The following COL3A1 variants were observed in gnomAD, a reference collection of about 807,000 sequenced individuals.
COL3A1 encodes collagen alpha-1(III) chain.
In COL3A1, 46 loss-of-function variants were observed where a neutral mutation model predicts 200.9. That is an observed-to-expected ratio of 0.23 (90% confidence interval 0.18 to 0.29). The LOEUF (loss-of-function observed/expected upper bound fraction) is 0.29, where lower values mean the gene tolerates loss of function less well. Ranked by LOEUF, COL3A1 falls within the 10% of genes least tolerant of loss-of-function variation. The probability of loss-of-function intolerance (pLI) is 1.00; values close to 1 mark genes in which losing one functional copy is unlikely to be tolerated. For synonymous variants in COL3A1, 650 were observed against 628.0 expected, an observed-to-expected ratio of 1.03 and a Z score of -0.52; for missense variants, 1,367 against 1,917.6, an observed-to-expected ratio of 0.71 and a Z score of 5.36.
intron 1 of COL3A1, among the ~76,000 whole-genome samples, chr2:188,984,539 T>C (rs995120246): frequency 1.3e-5 from 2 of 152,064 alleles, no homozygotes; most frequent in Non-Finnish European, 2.9e-5. Flanking sequence ...AAATTGACTA[T>C]GGTGTGCCAA....
In COL3A1 at chr2:189,008,032, T is replaced by C; in HGVS notation, c.3418-3T>C. ...GCATTGTGATGTCATGATACTTTCT[T>C]AGGGACCTGTTGGACCCAGTGGACC... On this transcript the variant is annotated splice_region_variant and splice_polypyrimidine_tract_variant and intron_variant, in intron 46 of 50. Coordinates refer to ENST00000304636, the MANE Select transcript of COL3A1 (RefSeq NM_000090.4). 1.2e-6 allele frequency: 2 copies of C among 1,614,110 alleles called. No individual in the cohort carries two copies. Among genetic ancestry groups the C allele is most frequent in the Non-Finnish European group, 1.7e-6 (2 of 1,179,998 alleles).
rs773841946 is a variant in COL3A1, at chr2:188,996,122, C to T, written c.1609-3C>T. 1.9e-6 allele frequency: 3 copies of T among 1,613,456 alleles called. No individual in the cohort carries two copies. The Admixed American group carries it at 5.0e-5, about 27-fold the overall frequency. On this transcript the variant is annotated splice_region_variant and splice_polypyrimidine_tract_variant and intron_variant, in intron 22 of 50. Transcript: ENST00000304636. Reference sequence around the variant, plus strand: ...CACCTAACAACTGACTTCTTTACTTCAGGGCATGCCCGGAAGTCCAGGAGG... The same window carrying T: ...CACCTAACAACTGACTTCTTTACTTTAGGGCATGCCCGGAAGTCCAGGAGG...
Position 188,998,317 on chromosome 2 carries a change from C to A in COL3A1, c.1975C>A (p.Pro659Thr), listed in dbSNP as rs1064796979. 3.1e-6 allele frequency: 5 copies of A among 1,613,262 alleles called. No homozygotes were observed. Among genetic ancestry groups the A allele is most frequent in the Non-Finnish European group, 4.2e-6 (5 of 1,179,442 alleles). Reference protein sequence around the residue: ...PPGENGKPGEPGPKGDAGAPG... With the variant: ...PPGENGKPGETGPKGDAGAPG... Reference sequence around the variant, plus strand: ...AGGAGAAAATGGAAAACCTGGGGAACCAGTAAGTTACGTTTCATTATTCAA... The same window carrying A: ...AGGAGAAAATGGAAAACCTGGGGAAACAGTAAGTTACGTTTCATTATTCAA... The change falls in exon 28 of 51, where the codon CCA (proline) becomes ACA (threonine). Residue 659 changes from proline (P) to threonine (T), a missense_variant and splice_region_variant. By Grantham distance (38) the Pro-to-Thr change is conservative. This residue lies in a region of COL3A1 where 846 missense variants were observed against 1,147.9 expected (regional missense o/e 0.74). Coordinates refer to ENST00000304636, the MANE Select transcript of COL3A1 (RefSeq NM_000090.4).
At chr2:188,995,207 AGAGTT>A in intron 21 of COL3A1, 108 bp downstream of exon 21, 1 of 1,111,224 alleles carries the variant, frequency 9.0e-7, no homozygotes, top group Non-Finnish European at 1.3e-6. Context: ...AATATATATT[AGAGTT>A]AAGAAAAATT....
At position 188,996,354 on chromosome 2, in the gene COL3A1, C is replaced by T. The variant is rs1312883353; in HGVS notation, c.1663-44C>T. On this transcript the variant is annotated intron_variant, in intron 23 of 50. Transcript: ENST00000304636. ...TACTATATATATAGCATGCTTTAAT[C>T]TTCTCTTTATCAAACCTTTATTAAT... 2.0e-6 allele frequency: 3 copies of T among 1,476,502 alleles called. No individual in the cohort carries two copies. In the South Asian group the frequency reaches 3.4e-5, roughly 17 times the overall value. The allele number at this position is 1,476,502 out of a possible 1,614,324, so 91.5% of individuals were successfully genotyped here.
Position 188,988,277 on chromosome 2 carries a change from A to G in COL3A1, c.582+143A>G, listed in dbSNP as rs574231634. ...TAACCAAGAAACTGATTAAGGCTTC[A>G]AAGATGGAATTCCATATTTAATTCC... On this transcript the variant is annotated intron_variant, in intron 6 of 50. Transcript: ENST00000304636. 32 of 780,676 alleles carry G rather than the reference A, an allele frequency of 4.1e-5. No individual in the cohort carries two copies. In the East Asian group the frequency reaches 8.2e-4, roughly 20 times the overall value. 48.4% of individuals were successfully genotyped at this position (780,676 alleles called of 1,614,324 possible).
rs1000595244 is a variant in COL3A1 at position 189,010,165 on chromosome 2, T to G, written c.3824-13T>G. 1.2e-6 allele frequency: 2 copies of G among 1,613,726 alleles called. No individual in the cohort carries two copies. The highest frequency in any genetic ancestry group is 1.7e-6 in the Non-Finnish European group (2 of 1,179,610). On this transcript the variant is annotated splice_polypyrimidine_tract_variant and intron_variant, in intron 48 of 50. Transcript: ENST00000304636. ...TTTATAACCAATTCCCATTCTTTTT[T>G]GTGACTATTCAGGAGAATACTGGGT...
At chr2:188,999,948 A>C in intron 32 of COL3A1, 53 bp downstream of exon 32, 1 of 1,528,608 alleles carries the variant, frequency 6.5e-7, no homozygotes, top group Non-Finnish European at 8.9e-7. Flanking sequence ...CATATGGGAC[A>C]GTCCTGCACT....
At chr2:188,974,651 A>G (rs1687770373) in intron 1 of COL3A1, 83 bp downstream of exon 1, 3 of 1,075,912 alleles carry the variant, frequency 2.8e-6, no homozygotes, top group East Asian at 4.7e-5. Flanking sequence ...GGGGAAAATC[A>G]GTTGCCTGAT....
chr2:189,008,702 G>A (rs1688650371), intron 47 of COL3A1: 3 of 598,006 alleles, frequency 5.0e-6, no homozygotes, highest in Non-Finnish European at 8.8e-6. Flanking sequence ...TGACACTACT[G>A]ATTCTTACAT....
chr2:188,989,061 C>T (rs545601319), intron 7 of COL3A1, among the ~76,000 whole-genome samples: 2 of 151,422 alleles, frequency 1.3e-5, no homozygotes, highest in South Asian at 2.1e-4. Context: ...GAAGGATATG[C>T]TCTGTAAATA....
At chr2:188,977,551 A>G (rs1489870250) in intron 1 of COL3A1, among the ~76,000 whole-genome samples, 1 of 152,136 alleles carries the variant, frequency 6.6e-6, no homozygotes, top group Non-Finnish European at 1.5e-5. Flanking sequence ...TTTAGGAACA[A>G]TTGCACTTTT....
chr2:189,006,342 C>T lies in COL3A1; in HGVS notation c.3094-3C>T. The stretch of plus-strand genomic sequence containing the variant: ...TATTTTGTACCTATGAATTTGTTCA[C>T]AGGGTGATCGTGGTGAAAATGGCTC... On this transcript the variant is annotated splice_polypyrimidine_tract_variant and splice_region_variant and intron_variant, in intron 42 of 50. Transcript: ENST00000304636. The T allele has an allele frequency of 6.2e-7, 1 of 1,613,958 alleles. No individual in the cohort carries two copies. Among genetic ancestry groups the T allele is most frequent in the East Asian group, 2.2e-5 (1 of 44,864 alleles).
chr2:189,003,814 A>T, intron 38 of COL3A1, 27 bp downstream of exon 38: 1 of 1,611,956 alleles, frequency 6.2e-7, no homozygotes, highest in Non-Finnish European at 8.5e-7. Flanking sequence ...GTCTTTTCTC[A>T]TCATACACTT....
chr2:188,994,580 C>G lies in COL3A1; in HGVS notation c.1333C>G (p.Pro445Ala). 1 of 1,614,094 alleles carries G rather than the reference C, an allele frequency of 6.2e-7. No homozygotes were observed. Among genetic ancestry groups the G allele is most frequent in the Non-Finnish European group, 8.5e-7 (1 of 1,180,020 alleles). ...GKNGAKGEPG[P>A]RGERGEAGIP... The stretch of plus-strand genomic sequence containing the variant: ...GAATGGTGCCAAAGGAGAGCCCGGA[C>G]CACGTGGTGAACGCGTAAGTTTTAC... Residue 445 changes from proline (P) to alanine (A), a missense_variant, in exon 19 of 51, where the codon CCA becomes GCA. Pro to Ala is a conservative substitution (Grantham distance 27). Transcript: ENST00000304636. The surrounding 1 kb of genome is among the most constrained non-coding windows in gnomAD (Gnocchi z 4.5).
At chr2:188,974,650 C>A in intron 1 of COL3A1, 82 bp downstream of exon 1, 1 of 1,079,300 alleles carries the variant, frequency 9.3e-7, no homozygotes, top group Non-Finnish European at 1.4e-6. Flanking sequence ...AGGGGAAAAT[C>A]AGTTGCCTGA....
chr2:189,003,574 C>A, intron 37 of COL3A1, 110 bp downstream of exon 37: 1 of 1,346,030 alleles, frequency 7.4e-7, no homozygotes. Context: ...AAATTGTAAT[C>A]GCTCATTCAT....
At chr2:189,009,734 G>A (rs10201930) in intron 48 of COL3A1, among the ~76,000 whole-genome samples, 9,172 of 152,152 alleles carry the variant, frequency 0.06, 913 homozygotes, top group African/African-American at 0.21. Context: ...ATCTTGACAT[G>A]GAACACTGCC....
At chr2:188,990,383 T>G in intron 10 of COL3A1, 23 bp downstream of exon 10, 1 of 1,602,152 alleles carries the variant, frequency 6.2e-7, no homozygotes, top group South Asian at 1.1e-5. Context: ...TCTAAGTTGT[T>G]TACAAGGTAT....
Sources: allele counts gnomAD v4.1 joint callset (sites outside exome capture counted in the v4.1 genomes callset), GRCh38; gene constraint gnomAD v4.1.1; regional missense constraint gnomAD v4.1.1; non-coding constraint Gnocchi (gnomAD v3.1); transcripts MANE v1.5; gene names NCBI Gene and HGNC (gene_info 2026-07-23, HGNC 2026-07-21).